CAMK1D: variants seen among roughly 807,000 people sequenced by gnomAD.
CAMK1D encodes the protein calcium/calmodulin-dependent protein kinase type 1D.
In CAMK1D, 9 loss-of-function variants were observed where a neutral mutation model predicts 47.7. The ratio of observed to expected loss-of-function variants is 0.19; its 90% CI spans 0.11 to 0.33. The LOEUF is 0.33. Ranked by LOEUF, CAMK1D falls within the 10% of genes least tolerant of loss-of-function variation. The pLI, the probability that CAMK1D is intolerant of heterozygous loss-of-function variation, is 1.00. For synonymous variants in CAMK1D, 184 were observed against 184.9 expected (o/e 0.99, Z 0.04); for missense variants, 291 against 488.7 (o/e 0.60, Z 3.81).
intron 2 of CAMK1D, among the ~76,000 whole-genome samples, chr10:12,581,624 T>C (rs548537974): frequency 6.6e-6 from 1 of 152,330 alleles, no homozygotes; most frequent in Admixed American, 6.5e-5. Context: ...TTGATTTACA[T>C]TTCCCTGATC....
intron 1 of CAMK1D, among the ~76,000 whole-genome samples, chr10:12,359,176 T>A (rs1244274127): frequency 6.6e-6 from 1 of 152,210 alleles, no homozygotes; most frequent in Non-Finnish European, 1.5e-5. Context: ...CTGAGCCTCA[T>A]GTCCTCATCT....
At chr10:12,471,727 G>A (rs1330760836) in intron 1 of CAMK1D, among the ~76,000 whole-genome samples, 1 of 152,072 alleles carries the variant, frequency 6.6e-6, no homozygotes, top group East Asian at 1.9e-4. Flanking sequence ...GCTAAGGAGA[G>A]ATATGTTGAA....
At chr10:12,408,657 C>T (rs1372869193) in intron 1 of CAMK1D, among the ~76,000 whole-genome samples, 3 of 151,988 alleles carry the variant, frequency 2.0e-5, no homozygotes, top group Admixed American at 6.6e-5. Flanking sequence ...GTGTGGCCAG[C>T]GGAGGTGTGG....
chr10:12,648,764 C>A (rs1378409039), intron 2 of CAMK1D, among the ~76,000 whole-genome samples: 5 of 152,214 alleles, frequency 3.3e-5, no homozygotes, highest in African/African-American at 1.2e-4. Context: ...AGCCACCACA[C>A]CCGGTCTCTC....
At chr10:12,815,592 G>A (rs1588961064) in intron 7 of CAMK1D, among the ~76,000 whole-genome samples, 1 of 152,384 alleles carries the variant, frequency 6.6e-6, no homozygotes, top group African/African-American at 2.4e-5. Flanking sequence ...GCACCCTGCA[G>A]TGCAGCAGGT....
intron 2 of CAMK1D, among the ~76,000 whole-genome samples, chr10:12,655,072 A>G (rs1215571459): frequency 1.3e-5 from 2 of 152,200 alleles, no homozygotes; most frequent in Admixed American, 1.3e-4. Flanking sequence ...GCATTGCTAT[A>G]CAGAAATACC....
At chr10:12,431,201 A>C (rs908859846) in intron 1 of CAMK1D, among the ~76,000 whole-genome samples, 2 of 152,242 alleles carry the variant, frequency 1.3e-5, no homozygotes, top group African/African-American at 4.8e-5. Context: ...AAAAATTAAA[A>C]CAATAAACCA....
chr10:12,527,435 A>G (rs546471505), intron 1 of CAMK1D, among the ~76,000 whole-genome samples: 9 of 145,662 alleles, frequency 6.2e-5, no homozygotes, highest in Non-Finnish European at 1.5e-5. Flanking sequence ...GCTCACTGCA[A>G]CCTCCGCCTC....
At chr10:12,827,281 CTTTT>C (rs2131129237) in intron 10 of CAMK1D, among the ~76,000 whole-genome samples, 2 of 83,072 alleles carry the variant, frequency 2.4e-5, no homozygotes, top group African/African-American at 4.5e-5. Context: ...TCTTTCTTTT[CTTTT>C]TCTTTCTTTC....
rs181100316 is a variant in CAMK1D, at chr10:12,419,531, C to T, written c.92+69621C>T. ...AGGGCACATATTAGACATGAGTCACCGCTGTGGTTTTCTTAGTGCATAAAA... is the reference window on the plus strand; with the variant it reads ...AGGGCACATATTAGACATGAGTCACTGCTGTGGTTTTCTTAGTGCATAAAA... On this transcript the variant is annotated intron_variant, in intron 1 of 10. Transcript: ENST00000619168. Among the ~76,000 whole-genome samples the T allele has an allele frequency of 1.7e-3, 264 of 152,140 alleles. 1 individual carries two copies. Among genetic ancestry groups the T allele is most frequent in the African/African-American group, 4.9e-3 (202 of 41,506 alleles).
chr10:12,593,729 G>A (rs1453976243), intron 2 of CAMK1D, among the ~76,000 whole-genome samples: 9 of 151,940 alleles, frequency 5.9e-5, no homozygotes, highest in Admixed American at 3.9e-4. Flanking sequence ...ACCATCCCCC[G>A]TGGCCTGTGG....
chr10:12,365,917 G>T (rs761951442), intron 1 of CAMK1D, among the ~76,000 whole-genome samples: 10 of 152,182 alleles, frequency 6.6e-5, no homozygotes, highest in Non-Finnish European at 1.2e-4. Context: ...TTAGCTGGGC[G>T]TGGTGGCACA....
At chr10:12,709,583 A>G (rs1276884157) in intron 3 of CAMK1D, among the ~76,000 whole-genome samples, 1 of 152,164 alleles carries the variant, frequency 6.6e-6, no homozygotes, top group Non-Finnish European at 1.5e-5. Flanking sequence ...TTTCACAAGA[A>G]AAGGAAACTT....
intron 1 of CAMK1D, among the ~76,000 whole-genome samples, chr10:12,384,131 A>G (rs1278661765): frequency 6.6e-6 from 1 of 152,268 alleles, no homozygotes; most frequent in African/African-American, 2.4e-5. Flanking sequence ...TAAGATATTT[A>G]GGAGTAAATT....
At chr10:12,816,361 C>T (rs376192836) in intron 8 of CAMK1D, 33 bp downstream of exon 8, 177 of 1,570,864 alleles carry the variant, frequency 1.1e-4, no homozygotes, top group Middle Eastern at 3.5e-4. Context: ...CAGACCGTGC[C>T]ATTTAATGCC....
chr10:12,437,815 A>G (rs375678898), intron 1 of CAMK1D, among the ~76,000 whole-genome samples: 14 of 152,136 alleles, frequency 9.2e-5, no homozygotes, highest in African/African-American at 2.9e-4. Context: ...TCTTCTGCAT[A>G]TTTTCCCCTC....
intron 5 of CAMK1D, among the ~76,000 whole-genome samples, chr10:12,781,382 C>G (rs1398549900): frequency 2.0e-5 from 3 of 152,224 alleles, no homozygotes; most frequent in African/African-American, 7.2e-5. Context: ...CTCTGAAATG[C>G]CTTCCTTGGC....
At chr10:12,517,368 T>C (rs1835243548) in intron 1 of CAMK1D, among the ~76,000 whole-genome samples, 1 of 152,228 alleles carries the variant, frequency 6.6e-6, no homozygotes, top group Non-Finnish European at 1.5e-5. Flanking sequence ...CTTGCTTTAT[T>C]GTCCTCACTA....
chr10:12,707,578 G>A (rs1833772098), intron 3 of CAMK1D, among the ~76,000 whole-genome samples: 1 of 152,232 alleles, frequency 6.6e-6, no homozygotes, highest in East Asian at 1.9e-4. Context: ...AGCAGACGCA[G>A]AATGAGCACA....
Sources: allele counts gnomAD v4.1 joint callset (sites outside exome capture counted in the v4.1 genomes callset), GRCh38; gene constraint gnomAD v4.1.1; transcripts MANE v1.5; gene names NCBI Gene and HGNC (gene_info 2026-07-23, HGNC 2026-07-21).